Variants in BRWD1 observed in about 807,000 individuals in gnomAD.
BRWD1 encodes the protein bromodomain and WD repeat-containing protein 1.
In BRWD1, 82 loss-of-function variants were observed where a neutral mutation model predicts 251.2. The ratio of observed to expected loss-of-function variants is 0.33; its 90% CI spans 0.27 to 0.39. The LOEUF (loss-of-function observed/expected upper bound fraction) is 0.39, where lower values mean the gene tolerates loss of function less well. Ranked by LOEUF, BRWD1 falls within the 10% of genes least tolerant of loss-of-function variation. The pLI is 1.00. For synonymous variants in BRWD1, 918 were observed against 902.8 expected, an observed-to-expected ratio of 1.02 and a Z score of -0.30; for missense variants, 2,233 against 2,711.6, an observed-to-expected ratio of 0.82 and a Z score of 3.92.
chr21:39,187,362 ATT>A lies in BRWD1; in HGVS notation c.*8895_*8896del. 6.2e-7 allele frequency: 1 copy of A among 1,612,122 alleles called. No homozygotes were observed. Among genetic ancestry groups the A allele is most frequent in the Non-Finnish European group, 8.5e-7 (1 of 1,179,440 alleles). On this transcript the variant is annotated 3_prime_UTR_variant, in exon 41 of 41. Transcript: ENST00000342449. ...TAGGCATCTGCACTGCATCCTTCTG[ATT>A]ATGCATACATGTTCTCACTTTTGTA...
Position 39,186,597 on chromosome 21 carries a change from T to C in BRWD1, c.*9662A>G, listed in dbSNP as rs2031248261. ...CTGATTTTTTTTCCTCATGACACCA[T>C]AGTTGTCGTGGTCTGAATTTTTACA... On this transcript the variant is annotated 3_prime_UTR_variant, in exon 41 of 41. Transcript: ENST00000342449. The C allele has an allele frequency of 6.5e-6, 1 of 152,918 alleles. No homozygotes were observed. The highest frequency in any genetic ancestry group is 2.1e-4 in the South Asian group (1 of 4,840). The allele number at this position is 152,918 out of a possible 1,614,324, so 9.5% of individuals were successfully genotyped here. A position where few individuals can be genotyped will look rare whatever the true frequency, so the allele number is the denominator to read the frequency against.
At chr21:39,236,059 G>T (rs1453588676) in intron 23 of BRWD1, 2 of 185,300 alleles carry the variant, frequency 1.1e-5, no homozygotes, top group African/African-American at 2.3e-5. Context: ...CCTGCACTTA[G>T]ACTGGATGTT....
At chr21:39,199,757 G>T (rs1304766918) in intron 39 of BRWD1, 95 bp from the exon 40 acceptor site, 13 of 1,231,038 alleles carry the variant, frequency 1.1e-5, no homozygotes, top group Non-Finnish European at 1.4e-5. Context: ...ACTTTTTTGG[G>T]GGGCGGGGAG....
At chr21:39,237,147 T>C (rs2033839241) in intron 22 of BRWD1, among the ~76,000 whole-genome samples, 2 of 151,818 alleles carry the variant, frequency 1.3e-5, no homozygotes, top group South Asian at 2.1e-4. Context: ...ACCCCAAAAA[T>C]AGGCCCCACC....
At chr21:39,271,914 C>T (rs561170391) in intron 13 of BRWD1, among the ~76,000 whole-genome samples, 1 of 148,890 alleles carries the variant, frequency 6.7e-6, no homozygotes, top group South Asian at 2.1e-4. Context: ...TGACAGGCTC[C>T]TGTAATCCCA....
chr21:39,314,669 A>G (rs938825986), upstream of BRWD1: 18 of 281,852 alleles, frequency 6.4e-5, no homozygotes, highest in Admixed American at 4.9e-4. Flanking sequence ...AGTAACACTC[A>G]GTGGTGTCCC....
At chr21:39,258,156 T>G (rs2034622100) in intron 18 of BRWD1, among the ~76,000 whole-genome samples, 1 of 152,150 alleles carries the variant, frequency 6.6e-6, no homozygotes, top group African/African-American at 2.4e-5. Flanking sequence ...CCCAATACAG[T>G]TTTTCAAAAA....
intron 8 of BRWD1, among the ~76,000 whole-genome samples, chr21:39,284,181 T>C (rs1410157260): frequency 6.6e-6 from 1 of 152,236 alleles, no homozygotes; most frequent in Non-Finnish European, 1.5e-5. Flanking sequence ...CCAATCTTTT[T>C]TTGTGAAGAA....
upstream of BRWD1, chr21:39,313,906 CGGCAGCGCGACGCCGGGT>C: frequency 3.1e-6 from 1 of 317,754 alleles, no homozygotes; most frequent in South Asian, 2.3e-5. Context: ...CTTTGTGAGG[CGGCAGCGCGACGCCGGGT>C]GGCCCAGCAG....
At chr21:39,290,241 G>C (rs1350276435) in intron 8 of BRWD1, among the ~76,000 whole-genome samples, 1 of 152,050 alleles carries the variant, frequency 6.6e-6, no homozygotes, top group Non-Finnish European at 1.5e-5. Context: ...TGTAATCCCA[G>C]CACTTTGGGA....
At position 39,200,460 on chromosome 21, in the gene BRWD1, T is replaced by C. The variant is rs2032053926; in HGVS notation, c.4586-74A>G. 23 of 1,283,140 alleles carry C rather than the reference T, an allele frequency of 1.8e-5. No individual in the cohort carries two copies. In the Middle Eastern group the frequency reaches 1.5e-3, roughly 84 times the overall value. 79.5% of individuals were successfully genotyped at this position (1,283,140 alleles called of 1,614,324 possible). Reference sequence around the variant, plus strand: ...ACACATAAGCAAGCAGTTCATAACATTACTCTGAACATTACATAACATTAC... The same window carrying C: ...ACACATAAGCAAGCAGTTCATAACACTACTCTGAACATTACATAACATTAC... On this transcript the variant is annotated intron_variant, in intron 38 of 40. Transcript: ENST00000342449.
At position 39,195,919 on chromosome 21, in the gene BRWD1, T is replaced by C; in HGVS notation, c.*340A>G. 1 of 1,015,076 alleles carries C rather than the reference T, an allele frequency of 9.9e-7. No homozygotes were observed. Among genetic ancestry groups the C allele is most frequent in the Non-Finnish European group, 1.2e-6 (1 of 850,128 alleles). The allele number at this position is 1,015,076 out of a possible 1,614,324, so 62.9% of individuals were successfully genotyped here. On this transcript the variant is annotated 3_prime_UTR_variant, in exon 41 of 41. Coordinates refer to ENST00000342449, the MANE Select transcript of BRWD1 (RefSeq NM_033656.4). Reference sequence around the variant, plus strand: ...CTCTTTGACAAATTCAGAAAATAACTGCATGACACTTGCTGCCATGAAAGT... The same window carrying C: ...CTCTTTGACAAATTCAGAAAATAACCGCATGACACTTGCTGCCATGAAAGT...
At position 39,194,884 on chromosome 21, in the gene BRWD1, T is replaced by C. The variant is rs181516806; in HGVS notation, c.*1375A>G. ...AATTTTGTCTGAAATCAAACACAAT[T>C]AGGGCTAATAAATAACTTACAGGTG... On this transcript the variant is annotated 3_prime_UTR_variant, in exon 41 of 41. Transcript: ENST00000342449. 411 of 1,529,444 alleles carry C rather than the reference T, an allele frequency of 2.7e-4. No individual in the cohort carries two copies. In the African/African-American group the frequency reaches 4.3e-3, roughly 16 times the overall value. 94.7% of individuals were successfully genotyped at this position (1,529,444 alleles called of 1,614,324 possible).
intron 37 of BRWD1, among the ~76,000 whole-genome samples, chr21:39,205,497 C>T (rs1355144769): frequency 3.3e-5 from 5 of 151,934 alleles, no homozygotes; most frequent in South Asian, 2.1e-4. Context: ...TAGGGCTGAG[C>T]GCGGTGGCTC....
At chr21:39,217,770 G>A (rs1052601636) in intron 31 of BRWD1, among the ~76,000 whole-genome samples, 24 of 152,100 alleles carry the variant, frequency 1.6e-4, no homozygotes. Flanking sequence ...TACCTGATTA[G>A]AAAAACAAAC....
chr21:39,248,543 G>A (rs530660455), intron 20 of BRWD1, among the ~76,000 whole-genome samples: 1 of 151,066 alleles, frequency 6.6e-6, no homozygotes, highest in African/African-American at 2.4e-5. Context: ...GAGGCTGAGG[G>A]GGGAGGATCA....
At position 39,277,272 on chromosome 21, in the gene BRWD1, G is replaced by C. The variant is rs527930724; in HGVS notation, c.1083C>G (p.Ile361Met). Reference sequence around the variant, plus strand: ...TTACAGTGTGGCTTTCAAGTTCTGCGATTTTTTCGGGTGCTTCAAAACCCA... The same window carrying C: ...TTACAGTGTGGCTTTCAAGTTCTGCCATTTTTTCGGGTGCTTCAAAACCCA... ...YFLGFEAPEK[I>M]AELESHTDKV... The change falls in exon 11 of 41, where the codon ATC becomes ATG. Residue 361 changes from isoleucine (I) to methionine (M), a missense_variant. By Grantham distance (10) the Ile-to-Met change is conservative. Transcript: ENST00000342449. 3 of 1,610,226 alleles carry C rather than the reference G, an allele frequency of 1.9e-6. No individual in the cohort carries two copies. The highest frequency in any genetic ancestry group is 1.7e-5 in the Admixed American group (1 of 59,682).
In BRWD1 at chr21:39,313,423, G is replaced by A; in HGVS notation, c.49+20C>T. 1 of 1,438,998 alleles carries A rather than the reference G, an allele frequency of 6.9e-7. No homozygotes were observed. The highest frequency in any genetic ancestry group is 9.1e-7 in the Non-Finnish European group (1 of 1,098,222). 89.1% of individuals were successfully genotyped at this position (1,438,998 alleles called of 1,614,324 possible). Reference sequence around the variant, plus strand: ...CAGCCGGGAGCGCCAGGGCGGGGGTGGCACGGCCTCGCGTCTTACCCGACT... The same window carrying A: ...CAGCCGGGAGCGCCAGGGCGGGGGTAGCACGGCCTCGCGTCTTACCCGACT... On this transcript the variant is annotated intron_variant, in intron 1 of 40. Coordinates refer to ENST00000342449, the MANE Select transcript of BRWD1 (RefSeq NM_033656.4).
chr21:39,263,258 T>G (rs147767918), intron 17 of BRWD1, among the ~76,000 whole-genome samples: 171 of 152,356 alleles, frequency 1.1e-3, no homozygotes, highest in African/African-American at 4.0e-3. Context: ...TAGCTGGTGA[T>G]TTAGTTTCAG....
Sources: gnomAD v4.1 joint callset for allele counts (sites outside exome capture counted in the v4.1 genomes callset) on GRCh38, gnomAD v4.1.1 for gene constraint, MANE v1.5 for transcripts, NCBI Gene and HGNC (gene_info 2026-07-23, HGNC 2026-07-21) for gene names.